Variants in ZNF652 observed in about 807,000 individuals in gnomAD.
The protein encoded by ZNF652 is zinc finger protein 652.
A neutral mutation model predicts 45.2 loss-of-function variants in ZNF652; 16 were observed. The observed-to-expected ratio is 0.35, with a 90% CI of 0.24 to 0.54. ZNF652 has a LOEUF of 0.54. Ranked by LOEUF, ZNF652 falls within the 20% of genes least tolerant of loss-of-function variation. The probability of loss-of-function intolerance (pLI) is 0.91; values close to 1 mark genes in which losing one functional copy is unlikely to be tolerated. For missense variants in ZNF652, 614 were observed against 765.6 expected, an observed-to-expected ratio of 0.80 and a Z score of 2.34; for synonymous variants, 250 against 260.6, an observed-to-expected ratio of 0.96 and a Z score of 0.39.
intron 1 of ZNF652, among the ~76,000 whole-genome samples, chr17:49,345,915 T>C (rs574039452): frequency 6.6e-6 from 1 of 150,878 alleles, no homozygotes; most frequent in South Asian, 2.1e-4. Flanking sequence ...ATGCGAAGTG[T>C]TAACAAAAGG....
At chr17:49,348,646 A>T (rs573900633) in intron 1 of ZNF652, among the ~76,000 whole-genome samples, 1 of 152,278 alleles carries the variant, frequency 6.6e-6, no homozygotes, top group African/African-American at 2.4e-5. Context: ...AAACTGAAAA[A>T]ACAATTATGA....
chr17:49,340,813 G>GCAGGAGGATAGCTT (rs2070137468), intron 1 of ZNF652, among the ~76,000 whole-genome samples: 1 of 152,074 alleles, frequency 6.6e-6, no homozygotes, highest in Non-Finnish European at 1.5e-5. Context: ...GAAAGCTGAG[G>GCAGGAGGATAGCTT]CAGGAGGATA....
chr17:49,314,365 T>C (rs1440159239), intron 2 of ZNF652, among the ~76,000 whole-genome samples: 1 of 152,064 alleles, frequency 6.6e-6, no homozygotes, highest in Admixed American at 6.6e-5. Flanking sequence ...TTTCACTATG[T>C]TGGCCAGGCT....
At chr17:49,351,014 TAC>T (rs370792940) in intron 1 of ZNF652, among the ~76,000 whole-genome samples, 600 of 29,226 alleles carry the variant, frequency 0.021, 4 homozygotes, top group Non-Finnish European at 0.028. Context: ...TATATATATA[TAC>T]ACACACACAC....
intron 5 of ZNF652, among the ~76,000 whole-genome samples, chr17:49,300,262 A>G (rs1487309792): frequency 6.6e-6 from 1 of 152,154 alleles, no homozygotes; most frequent in Non-Finnish European, 1.5e-5. Flanking sequence ...AATACCCACA[A>G]GAGATTTCAA....
chr17:49,315,398 G>C (rs1178799769), intron 2 of ZNF652, among the ~76,000 whole-genome samples: 2 of 152,036 alleles, frequency 1.3e-5, no homozygotes, highest in Non-Finnish European at 2.9e-5. Flanking sequence ...CTATACATAA[G>C]AACAAAGTAC....
rs1418368634 is a variant in ZNF652 at position 49,296,467 on chromosome 17, T to C, written c.*1946A>G. The C allele has an allele frequency of 6.6e-6, 1 of 152,598 alleles. No homozygotes were observed. The highest frequency in any genetic ancestry group is 1.5e-5 in the Non-Finnish European group (1 of 68,042). The allele number at this position is 152,598 out of a possible 1,614,324, so 9.5% of individuals were successfully genotyped here. A position where few individuals can be genotyped will look rare whatever the true frequency, so the allele number is the denominator to read the frequency against. On this transcript the variant is annotated 3_prime_UTR_variant, in exon 6 of 6. Coordinates refer to ENST00000430262, the MANE Select transcript of ZNF652 (RefSeq NM_001145365.3). ...ATTAGTTAGAAAAGTGCTCGAAGCA[T>C]ATCTGCACATTTAATATTAAAAATA...
chr17:49,332,143 C>G (rs1050626105), intron 1 of ZNF652, among the ~76,000 whole-genome samples: 43 of 151,844 alleles, frequency 2.8e-4, no homozygotes, highest in African/African-American at 9.9e-4. Flanking sequence ...TGGTGGTCAC[C>G]TATAATCCCA....
intron 1 of ZNF652, among the ~76,000 whole-genome samples, chr17:49,330,614 G>A (rs192851340): frequency 4.6e-5 from 7 of 152,008 alleles, no homozygotes; most frequent in African/African-American, 9.6e-5. Context: ...CTCCCAAAGC[G>A]TTAGGTTTAC....
At chr17:49,322,148 G>A (rs2069901111) in intron 1 of ZNF652, among the ~76,000 whole-genome samples, 1 of 152,166 alleles carries the variant, frequency 6.6e-6, no homozygotes, top group South Asian at 2.1e-4. Context: ...TTTCTAAAGA[G>A]ACTAAAGATG....
chr17:49,349,801 G>C (rs1037287726), intron 1 of ZNF652, among the ~76,000 whole-genome samples: 3 of 152,086 alleles, frequency 2.0e-5, no homozygotes, highest in African/African-American at 7.2e-5. Context: ...AGAAGGGTGG[G>C]GAAAATTCTG....
intron 5 of ZNF652, among the ~76,000 whole-genome samples, chr17:49,304,738 G>A (rs886312591): frequency 1.3e-5 from 2 of 152,122 alleles, no homozygotes; most frequent in African/African-American, 4.8e-5. Context: ...AATGAAGACA[G>A]AGAACCTACA....
At chr17:49,359,484 C>A (rs564072737) in intron 1 of ZNF652, among the ~76,000 whole-genome samples, 1 of 152,192 alleles carries the variant, frequency 6.6e-6, no homozygotes, top group South Asian at 2.1e-4. Context: ...CAGAACCCCC[C>A]AGATGCAAAG....
Position 49,298,675 on chromosome 17 carries a change from A to G in ZNF652, c.1559T>C (p.Val520Ala). 1 of 1,613,918 alleles carries G rather than the reference A, an allele frequency of 6.2e-7. No homozygotes were observed. Among genetic ancestry groups the G allele is most frequent in the Non-Finnish European group, 8.5e-7 (1 of 1,180,002 alleles). The change falls in exon 6 of 6, where the codon GTG becomes GCG. Residue 520 changes from valine to alanine, a missense_variant. Coordinates refer to ENST00000430262, the MANE Select transcript of ZNF652 (RefSeq NM_001145365.3). Reference sequence around the variant, plus strand: ...AGGGGTTGGGGTTGTGGCTGTGTTCACCACAGAAGGAACTGGGGTGGCTGG... The same window carrying G: ...AGGGGTTGGGGTTGTGGCTGTGTTCGCCACAGAAGGAACTGGGGTGGCTGG... The part of the protein sequence containing the change: ...TSPATPVPSV[V>A]NTATTPTPPI...
chr17:49,302,556 G>A (rs2069568684), intron 5 of ZNF652, among the ~76,000 whole-genome samples: 2 of 151,846 alleles, frequency 1.3e-5, no homozygotes, highest in Admixed American at 6.6e-5. Flanking sequence ...CCAAAGTATT[G>A]GGATTACAGG....
intron 1 of ZNF652, among the ~76,000 whole-genome samples, chr17:49,331,617 T>A (rs990059221): frequency 1.3e-5 from 2 of 150,716 alleles, no homozygotes; most frequent in South Asian, 4.2e-4. Context: ...AACTCAGATA[T>A]GTCTTTATTA....
chr17:49,346,884 G>C (rs967843471), intron 1 of ZNF652, among the ~76,000 whole-genome samples: 2 of 152,180 alleles, frequency 1.3e-5, no homozygotes, highest in Non-Finnish European at 2.9e-5. Context: ...ATGGTTTCTA[G>C]ATATTTCCCA....
chr17:49,309,329 TAAAAAAAAAAAA>T (rs11307814), intron 5 of ZNF652, among the ~76,000 whole-genome samples: 20 of 66,312 alleles, frequency 3.0e-4, no homozygotes, highest in Non-Finnish European at 4.4e-4. Context: ...CTGTCTCTAC[TAAAAAAAAAAAA>T]AAAAAAAAAA....
chr17:49,340,138 G>A lies in ZNF652; in HGVS notation c.-259+21771C>T, dbSNP rs993135159. On this transcript the variant is annotated intron_variant, in intron 1 of 5. Transcript: ENST00000430262. ...TTACAGAAATAACATTTTGGGGCCGGGTGCAGTGAATCACGCCTGTAATCC... is the reference window on the plus strand; with the variant it reads ...TTACAGAAATAACATTTTGGGGCCGAGTGCAGTGAATCACGCCTGTAATCC... Among the ~76,000 whole-genome samples, 3 of 152,304 alleles carry A rather than the reference G, an allele frequency of 2.0e-5. No individual in the cohort carries two copies. In the East Asian group the frequency reaches 5.8e-4, roughly 29 times the overall value.
Sources: gnomAD v4.1 joint callset for allele counts (sites outside exome capture counted in the v4.1 genomes callset) on GRCh38, gnomAD v4.1.1 for gene constraint, MANE v1.5 for transcripts, NCBI Gene and HGNC (gene_info 2026-07-23, HGNC 2026-07-21) for gene names.